The following IL27RA variants were observed in gnomAD, a reference collection of about 807,000 sequenced individuals.
IL27RA encodes the protein interleukin 27 receptor subunit alpha.
Under a neutral mutation model 80.8 loss-of-function variants are expected in IL27RA, and 61 were observed. The ratio of observed to expected loss-of-function variants is 0.76; its 90% confidence interval spans 0.61 to 0.93. The LOEUF (loss-of-function observed/expected upper bound fraction) is 0.93. Ranked by LOEUF, IL27RA falls within the 40% of genes least tolerant of loss-of-function variation. IL27RA has a pLI of 0.00. For synonymous variants in IL27RA, 316 were observed against 332.5 expected, an observed-to-expected ratio of 0.95 and a Z score of 0.54; for missense variants, 735 against 808.1, an observed-to-expected ratio of 0.91 and a Z score of 1.10.
chr19:14,031,976 AGTGCTGGAGGGAGCTC>A lies in IL27RA; in HGVS notation c.100+8_100+23del, dbSNP rs775446070. On this transcript the variant is annotated splice_donor_5th_base_variant and intron_variant, in intron 1 of 13. Coordinates refer to ENST00000263379, the MANE Select transcript of IL27RA (RefSeq NM_004843.4). ...TTCCAGCGGACGCGTCCCCAGGGTGAGTGCTGGAGGGAGCTCGTGTCCCGGGCGCTGCCGCTGCGCT... is the reference window on the plus strand; with the variant it reads ...TTCCAGCGGACGCGTCCCCAGGGTGAGTGTCCCGGGCGCTGCCGCTGCGCT... 1.0e-5 allele frequency: 16 copies of A among 1,606,294 alleles called. No homozygotes were observed. In the African/African-American group the frequency reaches 1.9e-4, roughly 19 times the overall value.
chr19:14,044,374 T>G (rs74183050), intron 6 of IL27RA, among the ~76,000 whole-genome samples: 9 of 151,960 alleles, frequency 5.9e-5, no homozygotes, highest in African/African-American at 2.2e-4. Flanking sequence ...TGAGTAGCTG[T>G]GATTATAGGC....
intron 2 of IL27RA, among the ~76,000 whole-genome samples, chr19:14,036,550 G>A (rs1276928397): frequency 4.7e-5 from 7 of 148,764 alleles, no homozygotes; most frequent in Admixed American, 3.4e-4. Flanking sequence ...GTGCAGTGGC[G>A]CGATCTCAGC....
In IL27RA at chr19:14,049,290, A is replaced by C. The variant is rs1170979051; in HGVS notation, c.1378A>C (p.Thr460Pro). 6.2e-7 allele frequency: 1 copy of C among 1,613,888 alleles called. No individual in the cohort carries two copies. Among genetic ancestry groups the C allele is most frequent in the Middle Eastern group, 1.7e-4 (1 of 5,968 alleles). The change falls in exon 10 of 14, where the codon ACC becomes CCC. Residue 460 changes from threonine to proline, a missense_variant. By Grantham distance (38) the Thr-to-Pro change is conservative. Transcript: ENST00000263379. ...CTACACCTTGTGTGCACAGAGTGGA[A>C]CCAGCCCCTCCGTCTGCATGAATGG... ...THYTLCAQSG[T>P]SPSVCMNVSG... is the part of the protein sequence containing the mutation.
At chr19:14,041,933 GCTC>G in intron 4 of IL27RA, among the ~76,000 whole-genome samples, 1 of 152,012 alleles carries the variant, frequency 6.6e-6, no homozygotes, top group Non-Finnish European at 1.5e-5. Flanking sequence ...GGGCTTGGTG[GCTC>G]ACACCTGTAA....
intron 6 of IL27RA, among the ~76,000 whole-genome samples, chr19:14,045,120 CAAAA>C (rs35398034): frequency 3.2e-5 from 3 of 94,574 alleles, no homozygotes; most frequent in Non-Finnish European, 4.5e-5. Context: ...ACTCTGTCTC[CAAAA>C]AAAAAAAAAA....
At chr19:14,042,265 C>A (rs1226338056) in intron 4 of IL27RA, among the ~76,000 whole-genome samples, 188 bp from the exon 5 acceptor site, 1 of 151,734 alleles carries the variant, frequency 6.6e-6, no homozygotes, top group Non-Finnish European at 1.5e-5. Context: ...ACTCAGGAGG[C>A]TGAGGCAGGA....
At chr19:14,045,311 T>C (rs532121805) in intron 6 of IL27RA, among the ~76,000 whole-genome samples, 148 of 146,614 alleles carry the variant, frequency 1.0e-3, no homozygotes, top group African/African-American at 3.5e-3. Flanking sequence ...AAAAGATGGC[T>C]GGGCGTGGTG....
intron 8 of IL27RA, among the ~76,000 whole-genome samples, chr19:14,048,294 T>C (rs6511911): frequency 2.7e-5 from 4 of 145,932 alleles, no homozygotes; most frequent in Non-Finnish European, 6.1e-5. Flanking sequence ...ATAAATAAAT[T>C]AATTAATTAA....
rs747388023 is a variant in IL27RA at position 14,031,865 on chromosome 19, G to A, written c.-8G>A. ...GCTGGGCCGGACTCGGGGCTCCCGA[G>A]GGACGCCATGCGGGGAGGCAGGGGC... On this transcript the variant is annotated 5_prime_UTR_variant, in exon 1 of 14. Transcript: ENST00000263379. 1.7e-4 allele frequency: 274 copies of A among 1,588,858 alleles called. 1 individual carries two copies. In the East Asian group the frequency reaches 6.2e-3, roughly 36 times the overall value.
At chr19:14,040,683 G>A (rs998717458) in intron 4 of IL27RA, among the ~76,000 whole-genome samples, 5 of 151,736 alleles carry the variant, frequency 3.3e-5, no homozygotes, top group Admixed American at 6.6e-5. Context: ...GTAGCTGGGC[G>A]TGCTGGTGGG....
In IL27RA at chr19:14,042,478, C is replaced by A. The variant is rs748741972; in HGVS notation, c.560C>A (p.Pro187His). Residue 187 changes from proline to histidine, a missense_variant, in exon 5 of 14, where the codon CCC (proline) becomes CAC (histidine). Transcript: ENST00000263379. ...CTGGAACCGGAGCTGAAGACCATAC[C>A]CCTGACCCCTGTTGAGATCCAAGAT... ...TLLEPELKTIPLTPVEIQDLE... is the reference protein window; with the variant it reads ...TLLEPELKTIHLTPVEIQDLE... 9.3e-6 allele frequency: 15 copies of A among 1,614,042 alleles called. No homozygotes were observed. The African/African-American group carries it at 2.0e-4, about 22-fold the overall frequency.
At chr19:14,041,815 C>A (rs1223164530) in intron 4 of IL27RA, among the ~76,000 whole-genome samples, 2 of 152,114 alleles carry the variant, frequency 1.3e-5, no homozygotes, top group East Asian at 3.9e-4. Flanking sequence ...GCTCTAATCC[C>A]AGCACTTTGG....
At position 14,031,815 on chromosome 19, in the gene IL27RA, A is replaced by G; in HGVS notation, c.-58A>G. 1.4e-6 allele frequency: 2 copies of G among 1,425,644 alleles called. No homozygotes were observed. The highest frequency in any genetic ancestry group is 9.5e-7 in the Non-Finnish European group (1 of 1,049,634). 88.3% of individuals were successfully genotyped at this position (1,425,644 alleles called of 1,614,324 possible). A position where few individuals can be genotyped will look rare whatever the true frequency, so the allele number is the denominator to read the frequency against. ...CTGTACCCAGAGCTCGAAGAGGAGC[A>G]GCGCGGCCGCGCGGACCCGGCAAGG... On this transcript the variant is annotated 5_prime_UTR_variant, in exon 1 of 14. Coordinates refer to ENST00000263379, the MANE Select transcript of IL27RA (RefSeq NM_004843.4).
Position 14,046,574 on chromosome 19 carries a change from A to T in IL27RA, c.1097A>T (p.Asn366Ile). The T allele has an allele frequency of 1.2e-6, 2 of 1,613,420 alleles. No homozygotes were observed. The highest frequency in any genetic ancestry group is 1.7e-6 in the Non-Finnish European group (2 of 1,179,604). Reference sequence around the variant, plus strand: ...GATGGGGACCCCCTGGAGAAACTCAACTGGGTCCGGCTTCCCCCTGGGAAC... The same window carrying T: ...GATGGGGACCCCCTGGAGAAACTCATCTGGGTCCGGCTTCCCCCTGGGAAC... ...ARDGDPLEKLNWVRLPPGNLS... is the reference protein window; with the variant it reads ...ARDGDPLEKLIWVRLPPGNLS... Residue 366 changes from asparagine (N) to isoleucine (I), a missense_variant, in exon 8 of 14, where the codon AAC (asparagine) becomes ATC (isoleucine). Asn to Ile is a moderately radical substitution (Grantham distance 149). Coordinates refer to ENST00000263379, the MANE Select transcript of IL27RA (RefSeq NM_004843.4).
chr19:14,035,252 C>T (rs950822389), intron 2 of IL27RA, among the ~76,000 whole-genome samples: 34 of 152,276 alleles, frequency 2.2e-4, no homozygotes, highest in Non-Finnish European at 1.8e-4. Context: ...CTCCTTTGTC[C>T]TCCCAAAGTG....
At position 14,042,436 on chromosome 19, in the gene IL27RA, G is replaced by A. The variant is rs143575043; in HGVS notation, c.535-17G>A. The A allele has an allele frequency of 0.013, 21,364 of 1,611,878 alleles. 231 individuals carry two copies. The highest frequency in any genetic ancestry group is 0.043 in the South Asian group (3,945 of 91,002). Reference sequence around the variant, plus strand: ...CTCAGGCCCTGGGCCCATCACGCTCGCCTGTCTCTCCCCCAGCTGGAACCG... The same window carrying A: ...CTCAGGCCCTGGGCCCATCACGCTCACCTGTCTCTCCCCCAGCTGGAACCG... On this transcript the variant is annotated splice_polypyrimidine_tract_variant and intron_variant, in intron 4 of 13. Transcript: ENST00000263379.
At position 14,050,733 on chromosome 19, in the gene IL27RA, C is replaced by T. The variant is rs551637377; in HGVS notation, c.1403-25C>T. ...CCTGTGGTAGGCTTGACCACCTCCCCAACTTCTTTGGTTGTGTTCTCCAGT... is the reference window on the plus strand; with the variant it reads ...CCTGTGGTAGGCTTGACCACCTCCCTAACTTCTTTGGTTGTGTTCTCCAGT... On this transcript the variant is annotated intron_variant, in intron 10 of 13. Transcript: ENST00000263379. 3 of 1,596,974 alleles carry T rather than the reference C, an allele frequency of 1.9e-6. No individual in the cohort carries two copies. In the Admixed American group the frequency reaches 5.0e-5, roughly 27 times the overall value.
intron 2 of IL27RA, among the ~76,000 whole-genome samples, chr19:14,035,113 C>A (rs1436106394): frequency 1.3e-5 from 2 of 151,106 alleles, no homozygotes; most frequent in Non-Finnish European, 3.0e-5. Flanking sequence ...CCTCAGCCTC[C>A]CAAGTAGCTG....
chr19:14,041,444 A>C (rs575203946), intron 4 of IL27RA, among the ~76,000 whole-genome samples: 1 of 151,890 alleles, frequency 6.6e-6, no homozygotes, highest in South Asian at 2.1e-4. Flanking sequence ...CAGGTGATCC[A>C]CCCACCTCCA....
Sources: gnomAD v4.1 joint callset for allele counts (sites outside exome capture counted in the v4.1 genomes callset) on GRCh38, gnomAD v4.1.1 for gene constraint, MANE v1.5 for transcripts, NCBI Gene and HGNC (gene_info 2026-07-23, HGNC 2026-07-21) for gene names.